Variants in GREM2 observed in about 807,000 individuals in gnomAD.
GREM2 encodes the protein gremlin 2, DAN family BMP antagonist, also known as gremlin-2.
GREM2 carries 11 observed loss-of-function variants against 14.2 expected under a neutral mutation model. The observed-to-expected ratio is 0.78, with a 90% CI of 0.49 to 1.28. The LOEUF (loss-of-function observed/expected upper bound fraction) is 1.28. Ranked by LOEUF, GREM2 falls within the 50% of genes most tolerant of loss-of-function variation. The pLI, the probability that GREM2 is intolerant of heterozygous loss-of-function variation, is 0.00. For synonymous variants in GREM2, 98 were observed against 97.6 expected (o/e 1.00, Z -0.02); for missense variants, 210 against 218.5 (o/e 0.96, Z 0.24).
chr1:240,563,413 G>C (rs202200118), intron 1 of GREM2, among the ~76,000 whole-genome samples: 7 of 152,218 alleles, frequency 4.6e-5, no homozygotes, highest in African/African-American at 1.7e-4. Context: ...CAAGAAGTAA[G>C]TTAGCAAAAA....
intron 1 of GREM2, among the ~76,000 whole-genome samples, chr1:240,572,344 T>C (rs371405113): frequency 2.0e-5 from 3 of 152,352 alleles, no homozygotes; most frequent in Admixed American, 1.3e-4. Context: ...AAAGTGATAT[T>C]GTAAGCCTGT....
At chr1:240,530,099 A>G (rs755630148) in intron 1 of GREM2, among the ~76,000 whole-genome samples, 18 of 152,148 alleles carry the variant, frequency 1.2e-4, no homozygotes, top group Non-Finnish European at 2.4e-4. Flanking sequence ...GTACCTCAAC[A>G]TTCCCTAAAA....
chr1:240,504,391 C>G (rs1677636681), intron 1 of GREM2, among the ~76,000 whole-genome samples: 1 of 152,174 alleles, frequency 6.6e-6, no homozygotes, highest in Admixed American at 6.5e-5. Flanking sequence ...CGTAGGCTTT[C>G]CAAGAGGTAT....
At chr1:240,551,149 C>T (rs1178412247) in intron 1 of GREM2, among the ~76,000 whole-genome samples, 3 of 152,266 alleles carry the variant, frequency 2.0e-5, no homozygotes, top group Non-Finnish European at 4.4e-5. Context: ...ACAGAGTCTA[C>T]TTGAGTACTG....
intron 1 of GREM2, among the ~76,000 whole-genome samples, chr1:240,533,010 G>C (rs1678397934): frequency 6.6e-6 from 1 of 152,172 alleles, no homozygotes; most frequent in Non-Finnish European, 1.5e-5. Flanking sequence ...AGCAGGTACT[G>C]TAATTGATAT....
intron 1 of GREM2, among the ~76,000 whole-genome samples, chr1:240,525,687 C>T (rs1678205205): frequency 1.3e-5 from 2 of 152,182 alleles, no homozygotes; most frequent in East Asian, 1.9e-4. Flanking sequence ...CCATGTTGGC[C>T]AGGTTCATCT....
At chr1:240,554,500 C>T (rs1029987497) in intron 1 of GREM2, among the ~76,000 whole-genome samples, 1 of 151,762 alleles carries the variant, frequency 6.6e-6, no homozygotes, top group Non-Finnish European at 1.5e-5. Context: ...GTGGAGCCTA[C>T]ATTATTTGGT....
At chr1:240,591,657 G>C (rs1415414301) in intron 1 of GREM2, among the ~76,000 whole-genome samples, 1 of 152,106 alleles carries the variant, frequency 6.6e-6, no homozygotes, top group African/African-American at 2.4e-5. Context: ...TCTGGAAATG[G>C]ATTGCTCTTT....
At chr1:240,605,939 T>A (rs1240386027) in intron 1 of GREM2, among the ~76,000 whole-genome samples, 2 of 152,176 alleles carry the variant, frequency 1.3e-5, no homozygotes, top group African/African-American at 4.8e-5. Context: ...ATGACATTTT[T>A]ATTTTCTCAC....
chr1:240,520,941 T>A (rs1678070941), intron 1 of GREM2, among the ~76,000 whole-genome samples: 1 of 149,690 alleles, frequency 6.7e-6, no homozygotes, highest in Admixed American at 6.6e-5. Flanking sequence ...ATTTTAGTTT[T>A]TGTTTGTTTG....
intron 1 of GREM2, among the ~76,000 whole-genome samples, chr1:240,529,204 C>G (rs1455118806): frequency 1.3e-5 from 2 of 148,362 alleles, no homozygotes; most frequent in Non-Finnish European, 3.0e-5. Context: ...CCATCTTGTG[C>G]CTTCTTGATT....
At chr1:240,527,494 A>C (rs532503458) in intron 1 of GREM2, among the ~76,000 whole-genome samples, 1 of 152,214 alleles carries the variant, frequency 6.6e-6, no homozygotes, top group Non-Finnish European at 1.5e-5. Context: ...GAAGAAAATA[A>C]AAACATTTTA....
In GREM2 at chr1:240,602,601, G is replaced by A. The variant is rs572632503; in HGVS notation, c.-2+9283C>T. Among the ~76,000 whole-genome samples, 14 of 152,170 alleles carry A rather than the reference G, an allele frequency of 9.2e-5. No homozygotes were observed. The South Asian group carries it at 2.5e-3, about 27-fold the overall frequency. ...TGGGAGGCCGAGGCAGGAGGATCAC[G>A]AGGTCAAGAGATCAAGACCATCCTG... On this transcript the variant is annotated intron_variant, in intron 1 of 1. Transcript: ENST00000318160.
chr1:240,594,029 C>T (rs956029670), intron 1 of GREM2, among the ~76,000 whole-genome samples: 4 of 152,084 alleles, frequency 2.6e-5, no homozygotes, highest in African/African-American at 7.2e-5. Flanking sequence ...TCATAACTCA[C>T]TGCAGCCTTG....
chr1:240,535,664 C>T (rs10737845), intron 1 of GREM2, among the ~76,000 whole-genome samples: 141,770 of 151,996 alleles, frequency 0.93, 66,142 homozygotes, highest in African/African-American at 0.96. Flanking sequence ...CCAGGTGTCA[C>T]GGTGCATGCC....
At chr1:240,505,850 AAAAATGT>A in intron 1 of GREM2, among the ~76,000 whole-genome samples, 1 of 152,202 alleles carries the variant, frequency 6.6e-6, no homozygotes, top group African/African-American at 2.4e-5. Context: ...TTAAGGAGAA[AAAAATGT>A]AAAATTTCCT....
intron 1 of GREM2, among the ~76,000 whole-genome samples, chr1:240,501,821 A>G (rs1677575386): frequency 6.6e-6 from 1 of 152,184 alleles, no homozygotes; most frequent in Admixed American, 6.5e-5. Flanking sequence ...TGCTGTCAGA[A>G]GAATGTGACA....
intron 1 of GREM2, among the ~76,000 whole-genome samples, chr1:240,498,403 T>C (rs1185515042): frequency 1.3e-5 from 2 of 152,228 alleles, no homozygotes; most frequent in Non-Finnish European, 2.9e-5. Flanking sequence ...GCCAAGGATC[T>C]GGCATCTCAC....
intron 1 of GREM2, among the ~76,000 whole-genome samples, chr1:240,494,393 T>C (rs9724693): frequency 0.034 from 5,172 of 152,220 alleles, 317 homozygotes; most frequent in African/African-American, 0.12. Context: ...CCAGCAGACA[T>C]GGATGTGATT....
Sources: allele counts gnomAD v4.1 joint callset (sites outside exome capture counted in the v4.1 genomes callset), GRCh38; gene constraint gnomAD v4.1.1; transcripts MANE v1.5; gene names NCBI Gene and HGNC (gene_info 2026-07-23, HGNC 2026-07-21).